Variants in ANKS1B observed in about 807,000 individuals in gnomAD.
The protein encoded by ANKS1B is ankyrin repeat and sterile alpha motif domain containing 1B.
ANKS1B carries 36 observed loss-of-function variants against 148.3 expected under a neutral mutation model. That is an observed-to-expected ratio of 0.24 (90% confidence interval 0.19 to 0.32). ANKS1B has a LOEUF of 0.32. Among genes scored for constraint, ANKS1B ranks in the 10% least tolerant of loss-of-function variants. The pLI is 1.00. For missense variants in ANKS1B, 1,157 were observed against 1,542.6 expected, an observed-to-expected ratio of 0.75 and a Z score of 4.19; for synonymous variants, 542 against 560.8, an observed-to-expected ratio of 0.97 and a Z score of 0.47.
chr12:98,770,486 T>A lies in ANKS1B; in HGVS notation c.3579+2556A>T, dbSNP rs1157604212. Among the ~76,000 whole-genome samples the A allele has an allele frequency of 2.6e-5, 4 of 152,214 alleles. No homozygotes were observed. In the East Asian group the frequency reaches 7.7e-4, roughly 29 times the overall value. On this transcript the variant is annotated intron_variant, in intron 25 of 26. Coordinates refer to ENST00000683438, the MANE Select transcript of ANKS1B (RefSeq NM_001352186.2). ...AATGAAATGGCTTTAATCAACACTTTAATCCCGTGCAAACAAACGCTTCCT... is the reference window on the plus strand; with the variant it reads ...AATGAAATGGCTTTAATCAACACTTAAATCCCGTGCAAACAAACGCTTCCT...
chr12:98,785,299 G>A (rs569384398), intron 22 of ANKS1B, among the ~76,000 whole-genome samples: 18 of 152,090 alleles, frequency 1.2e-4, no homozygotes, highest in East Asian at 3.9e-4. Context: ...GCAAAACCCC[G>A]TCTCTACTAA....
intron 5 of ANKS1B, 101 bp from the exon 6 acceptor site, chr12:99,780,073 A>AGCATTG: frequency 1.2e-6 from 1 of 824,940 alleles, no homozygotes; most frequent in South Asian, 1.5e-5. Context: ...ATACAGACCA[A>AGCATTG]GCATTGAAAG....
chr12:98,872,503 C>A (rs1181892736), intron 17 of ANKS1B, among the ~76,000 whole-genome samples: 1 of 152,158 alleles, frequency 6.6e-6, no homozygotes, highest in Admixed American at 6.5e-5. Flanking sequence ...TGTGCCGCTG[C>A]ACTCCAGTCT....
intron 1 of ANKS1B, among the ~76,000 whole-genome samples, chr12:99,868,919 T>G (rs1043441010): frequency 1.3e-5 from 2 of 151,996 alleles, no homozygotes; most frequent in Non-Finnish European, 2.9e-5. Flanking sequence ...TAGCCGGGCA[T>G]GGTGGCAGGC....
rs973141947 is a variant in ANKS1B, at chr12:99,400,855, T to C, written c.1576-1044A>G. 2.1e-5 allele frequency among the ~76,000 whole-genome samples: 3 copies of C among 145,340 alleles called. 1 individual carries two copies. The highest frequency in any genetic ancestry group is 6.9e-5 in the Admixed American group (1 of 14,556). Reference sequence around the variant, plus strand: ...ACCCTTAAATATGTGTTAATCCCTGTACTCCATAGATTATTTTCCTGCAAA... The same window carrying C: ...ACCCTTAAATATGTGTTAATCCCTGCACTCCATAGATTATTTTCCTGCAAA... On this transcript the variant is annotated intron_variant, in intron 11 of 26. Transcript: ENST00000683438.
intron 17 of ANKS1B, among the ~76,000 whole-genome samples, chr12:98,921,097 T>C (rs1167820646): frequency 6.6e-6 from 1 of 152,202 alleles, no homozygotes; most frequent in Non-Finnish European, 1.5e-5. Flanking sequence ...CTTTTCCCTG[T>C]CATCCTTTCT....
intron 2 of ANKS1B, among the ~76,000 whole-genome samples, chr12:99,819,314 T>C (rs185869585): frequency 4.1e-4 from 63 of 152,032 alleles, no homozygotes; most frequent in African/African-American, 1.4e-3. Context: ...AAGTAGTCTG[T>C]ATCCTTATCC....
chr12:98,822,412 G>A (rs190476567), intron 19 of ANKS1B, among the ~76,000 whole-genome samples: 13 of 152,258 alleles, frequency 8.5e-5, no homozygotes, highest in Non-Finnish European at 1.6e-4. Context: ...GAACTGGACT[G>A]CATGTAATAA....
intron 17 of ANKS1B, among the ~76,000 whole-genome samples, chr12:98,838,499 G>A (rs1384810447): frequency 2.6e-5 from 4 of 152,184 alleles, no homozygotes; most frequent in African/African-American, 9.7e-5. Flanking sequence ...GCTGACAGAT[G>A]TGAAACAGCA....
At chr12:99,532,701 T>C (rs1567291098) in intron 9 of ANKS1B, among the ~76,000 whole-genome samples, 1 of 152,214 alleles carries the variant, frequency 6.6e-6, no homozygotes, top group Admixed American at 6.5e-5. Flanking sequence ...TTTTTATACA[T>C]GGTGAGAGAT....
intron 1 of ANKS1B, among the ~76,000 whole-genome samples, chr12:99,973,886 C>T (rs1348633282): frequency 6.6e-6 from 1 of 152,120 alleles, no homozygotes; most frequent in Non-Finnish European, 1.5e-5. Flanking sequence ...ATTGCTGAAA[C>T]ATCAACAAAG....
intron 1 of ANKS1B, among the ~76,000 whole-genome samples, chr12:99,925,098 G>T (rs771125536): frequency 1.3e-5 from 2 of 152,080 alleles, no homozygotes; most frequent in African/African-American, 2.4e-5. Context: ...CTGGGGGCTG[G>T]CTTACACTGG....
intron 15 of ANKS1B, among the ~76,000 whole-genome samples, chr12:99,148,767 A>G (rs976397616): frequency 6.6e-6 from 1 of 152,190 alleles, no homozygotes; most frequent in African/African-American, 2.4e-5. Flanking sequence ...GCTGTTGTCC[A>G]GATAAACAAT....
At position 98,818,952 on chromosome 12, in the gene ANKS1B, G is replaced by A. The variant is rs79162083; in HGVS notation, c.3066+10222C>T. 7.0e-3 allele frequency among the ~76,000 whole-genome samples: 1,070 copies of A among 152,236 alleles called. 8 individuals are homozygous for A. The highest frequency in any genetic ancestry group is 0.01 in the Middle Eastern group (3 of 294). On this transcript the variant is annotated intron_variant, in intron 19 of 26. Transcript: ENST00000683438. ...CAAGGTGCAGTTGAACAATCCTCTT[G>A]AACGATGCCAAGCTAAGAGGTCTCT...
chr12:99,093,562 G>C (rs2054835211), intron 15 of ANKS1B: 1 of 152,232 alleles, frequency 6.6e-6, no homozygotes. Context: ...GATGTCTGGG[G>C]ACAAGCTAAG....
intron 17 of ANKS1B, among the ~76,000 whole-genome samples, chr12:98,883,934 C>A (rs1431372069): frequency 1.3e-5 from 2 of 152,062 alleles, no homozygotes; most frequent in African/African-American, 4.8e-5. Flanking sequence ...CACATTACCT[C>A]AAAATAAAGC....
chr12:99,360,282 A>G (rs2092364198), intron 12 of ANKS1B, among the ~76,000 whole-genome samples: 1 of 152,162 alleles, frequency 6.6e-6, no homozygotes, highest in South Asian at 2.1e-4. Context: ...TGTGAAATGA[A>G]TTAATAGGAT....
At chr12:99,047,303 G>A (rs1326379128) in intron 17 of ANKS1B, among the ~76,000 whole-genome samples, 1 of 152,072 alleles carries the variant, frequency 6.6e-6, no homozygotes, top group Non-Finnish European at 1.5e-5. Context: ...GAGAGGCTGA[G>A]GCAGGAGAAT....
chr12:98,778,546 C>G (rs2153504525), intron 24 of ANKS1B, among the ~76,000 whole-genome samples: 1 of 152,342 alleles, frequency 6.6e-6, no homozygotes. Context: ...AAGCAGGACT[C>G]TGGAGTTTAT....
Sources: allele counts gnomAD v4.1 joint callset (sites outside exome capture counted in the v4.1 genomes callset), GRCh38; gene constraint gnomAD v4.1.1; transcripts MANE v1.5; gene names NCBI Gene and HGNC (gene_info 2026-07-23, HGNC 2026-07-21).